The following PIK3R1 variants were observed in gnomAD, a reference collection of about 807,000 sequenced individuals.
The protein encoded by PIK3R1 is phosphoinositide-3-kinase regulatory subunit 1.
A neutral mutation model predicts 98.0 loss-of-function variants in PIK3R1; 29 were observed. That is an observed-to-expected ratio of 0.30 (90% CI 0.22 to 0.40). The LOEUF (loss-of-function observed/expected upper bound fraction) is 0.40, where lower values mean the gene tolerates loss of function less well. Ranked by LOEUF, PIK3R1 falls within the 10% of genes least tolerant of loss-of-function variation. The pLI is 1.00. For synonymous variants in PIK3R1, 282 were observed against 311.8 expected (o/e 0.90, Z 1.01); for missense variants, 596 against 872.7 (o/e 0.68, Z 3.99).
At chr5:68,266,672 C>A (rs918161315) in intron 2 of PIK3R1, among the ~76,000 whole-genome samples, 1 of 152,148 alleles carries the variant, frequency 6.6e-6, no homozygotes, top group Non-Finnish European at 1.5e-5. Context: ...TTACTATAAG[C>A]TTCTTTCCTT....
Position 68,295,245 on chromosome 5 carries a change from T to C in PIK3R1, c.1666T>C (p.Tyr556His). Residue 556 changes from tyrosine to histidine, a missense_variant, in exon 13 of 16, where the codon TAT becomes CAT. This residue lies in a region of PIK3R1 where 207 missense variants were observed against 361.4 expected (regional missense o/e 0.57). Coordinates refer to ENST00000521381, the MANE Select transcript of PIK3R1 (RefSeq NM_181523.3). Reference protein sequence around the residue: ...EEDLKKQAAEYREIDKRMNSI... With the variant: ...EEDLKKQAAEHREIDKRMNSI... Reference sequence around the variant, plus strand: ...AGACTTGAAGAAGCAGGCAGCTGAGTATCGAGAAATTGACAAACGTATGAA... The same window carrying C: ...AGACTTGAAGAAGCAGGCAGCTGAGCATCGAGAAATTGACAAACGTATGAA... 6.2e-7 allele frequency: 1 copy of C among 1,614,064 alleles called. No individual in the cohort carries two copies. The highest frequency in any genetic ancestry group is 8.5e-7 in the Non-Finnish European group (1 of 1,179,968).
intron 1 of PIK3R1, among the ~76,000 whole-genome samples, chr5:68,218,564 T>A (rs1160950468): frequency 6.6e-6 from 1 of 152,186 alleles, no homozygotes; most frequent in Non-Finnish European, 1.5e-5. Flanking sequence ...GCAAAATACA[T>A]GTTTTATTGA....
chr5:68,239,387 T>A (rs1017114217), intron 2 of PIK3R1, among the ~76,000 whole-genome samples: 3 of 152,222 alleles, frequency 2.0e-5, no homozygotes, highest in Admixed American at 2.0e-4. Flanking sequence ...CATTAACATA[T>A]GTATGTACGT....
intron 8 of PIK3R1, 27 bp from the exon 9 acceptor site, chr5:68,293,074 G>GA: frequency 6.5e-7 from 1 of 1,540,018 alleles, no homozygotes; most frequent in Non-Finnish European, 9.0e-7. Context: ...ACCTTAAGAT[G>GA]AGCATTGTTT....
intron 15 of PIK3R1, 150 bp downstream of exon 15, chr5:68,296,491 C>T (rs1747720710): frequency 7.2e-6 from 5 of 696,502 alleles, no homozygotes; most frequent in African/African-American, 5.4e-5. Context: ...ACCAAAGCAG[C>T]TGTAATACCA....
At chr5:68,225,233 CA>C (rs1744229128) in intron 1 of PIK3R1, among the ~76,000 whole-genome samples, 1 of 150,336 alleles carries the variant, frequency 6.7e-6, no homozygotes, top group Non-Finnish European at 1.5e-5. Flanking sequence ...GCCCTTGGAT[CA>C]TTTTTTTTTT....
At chr5:68,296,114 G>A (rs1446443784) in intron 14 of PIK3R1, 57 bp from the exon 15 acceptor site, 1 of 1,556,278 alleles carries the variant, frequency 6.4e-7, no homozygotes, top group African/African-American at 1.4e-5. Flanking sequence ...AAGACAGCAA[G>A]GCAGGCTGAT....
intron 2 of PIK3R1, chr5:68,240,049 T>C (rs1744817275): frequency 2.7e-6 from 1 of 367,710 alleles, no homozygotes; most frequent in Non-Finnish European, 5.4e-6. Context: ...TGCTTCTTAA[T>C]GTTGTAGATA....
In PIK3R1 at chr5:68,293,212, A is replaced by G; in HGVS notation, c.1118+13A>G. On this transcript the variant is annotated intron_variant, in intron 9 of 15. Transcript: ENST00000521381. ...CTCTTACACTAAGGTAAGCCAGGGA[A>G]TATAGCTGAAATTAGGGTTTTGGGC... The G allele has an allele frequency of 3.7e-6, 6 of 1,607,586 alleles. No individual in the cohort carries two copies. Among genetic ancestry groups the G allele is most frequent in the Non-Finnish European group, 4.3e-6 (5 of 1,174,598 alleles).
chr5:68,221,430 T>C (rs993525059), intron 1 of PIK3R1, among the ~76,000 whole-genome samples: 2 of 152,244 alleles, frequency 1.3e-5, no homozygotes, highest in South Asian at 4.1e-4. Context: ...TAGAGAGATA[T>C]GGGCTGTGGG....
rs577064455 is a variant in PIK3R1, at chr5:68,297,993, G to A, written c.*392G>A. 1 of 237,428 alleles carries A rather than the reference G, an allele frequency of 4.2e-6. No individual in the cohort carries two copies. Among genetic ancestry groups the A allele is most frequent in the African/African-American group, 2.2e-5 (1 of 45,434 alleles). 14.7% of individuals were successfully genotyped at this position (237,428 alleles called of 1,614,324 possible). A position where few individuals can be genotyped will look rare whatever the true frequency, so the allele number is the denominator to read the frequency against. Reference sequence around the variant, plus strand: ...GAAAGTTGGGACTCTGGAGAGCGGAGGAGAGAGAGGCAGAAGAACCCTGGC... The same window carrying A: ...GAAAGTTGGGACTCTGGAGAGCGGAAGAGAGAGAGGCAGAAGAACCCTGGC... On this transcript the variant is annotated 3_prime_UTR_variant, in exon 16 of 16. Coordinates refer to ENST00000521381, the MANE Select transcript of PIK3R1 (RefSeq NM_181523.3).
rs1745366469 is a variant in PIK3R1 at position 68,252,761 on chromosome 5, C to T, written c.335-20629C>T. Among the ~76,000 whole-genome samples, 5 of 152,280 alleles carry T rather than the reference C, an allele frequency of 3.3e-5. No homozygotes were observed. In the South Asian group the frequency reaches 1.0e-3, roughly 32 times the overall value. Reference sequence around the variant, plus strand: ...GGAGCTACTTTGTATTTCCCTGAAACCTTGAGTTACTGGGGCCGAACATGT... The same window carrying T: ...GGAGCTACTTTGTATTTCCCTGAAATCTTGAGTTACTGGGGCCGAACATGT... On this transcript the variant is annotated intron_variant, in intron 2 of 15. Coordinates refer to ENST00000521381, the MANE Select transcript of PIK3R1 (RefSeq NM_181523.3).
chr5:68,229,491 G>T (rs1028649609), intron 2 of PIK3R1, among the ~76,000 whole-genome samples: 34 of 151,894 alleles, frequency 2.2e-4, no homozygotes, highest in Admixed American at 5.9e-4. Context: ...ATGTTATGCT[G>T]TGTTTATTGC....
intron 7 of PIK3R1, chr5:68,291,372 C>A (rs1270871835): frequency 6.6e-6 from 1 of 152,104 alleles, no homozygotes; most frequent in Non-Finnish European, 1.5e-5. Flanking sequence ...GTAAAATATT[C>A]TTGGTAGATA....
At chr5:68,233,422 C>A (rs578169533) in intron 2 of PIK3R1, among the ~76,000 whole-genome samples, 1 of 152,072 alleles carries the variant, frequency 6.6e-6, no homozygotes, top group Non-Finnish European at 1.5e-5. Flanking sequence ...TTATAGCATT[C>A]GATATCAAAG....
intron 2 of PIK3R1, among the ~76,000 whole-genome samples, chr5:68,230,237 A>G (rs1744418729): frequency 1.3e-5 from 2 of 152,200 alleles, no homozygotes; most frequent in Non-Finnish European, 2.9e-5. Context: ...TTTGCAAATC[A>G]TTGATTACTT....
At chr5:68,269,278 A>T (rs2112148410) in intron 2 of PIK3R1, among the ~76,000 whole-genome samples, 1 of 152,286 alleles carries the variant, frequency 6.6e-6, no homozygotes, top group East Asian at 1.9e-4. Context: ...CCAGATTCTT[A>T]AGAGTGGAGT....
At chr5:68,288,456 C>T (rs1197701706) in intron 7 of PIK3R1, 22 of 1,285,886 alleles carry the variant, frequency 1.7e-5, no homozygotes, top group South Asian at 2.5e-5. Context: ...AATGAGGAGC[C>T]GGCAGTGAGC....
Position 68,226,921 on chromosome 5 carries a change from C to A in PIK3R1, c.246C>A (p.Ile82=). 6.2e-7 allele frequency: 1 copy of A among 1,614,108 alleles called. No individual in the cohort carries two copies. Among genetic ancestry groups the A allele is most frequent in the Non-Finnish European group, 8.5e-7 (1 of 1,179,998 alleles). ...TAGAATATATTGGAAGGAAAAAAAT[C>A]TCGCCTCCCACACCAAAGCCCCGGC... is the stretch of plus-strand genomic sequence containing the variant. The part of the protein sequence containing the change: ...TYVEYIGRKK[I]SPPTPKPRPP... Residue 82 remains isoleucine (I), a synonymous_variant, in exon 2 of 16, where the codon ATC becomes ATA. Coordinates refer to ENST00000521381, the MANE Select transcript of PIK3R1 (RefSeq NM_181523.3).
Sources: gnomAD v4.1 joint callset for allele counts (sites outside exome capture counted in the v4.1 genomes callset) on GRCh38, gnomAD v4.1.1 for gene constraint, gnomAD v4.1.1 regional missense constraint, MANE v1.5 for transcripts, NCBI Gene and HGNC (gene_info 2026-07-23, HGNC 2026-07-21) for gene names.